PIAS1: variants seen among roughly 807,000 people sequenced by gnomAD.
PIAS1 encodes the protein protein inhibitor of activated STAT 1, also known as E3 SUMO-protein ligase PIAS1.
PIAS1 carries 6 observed loss-of-function variants against 71.3 expected under a neutral mutation model. The ratio of observed to expected loss-of-function variants is 0.08; its 90% CI spans 0.05 to 0.17. The LOEUF (loss-of-function observed/expected upper bound fraction) is 0.17, where lower values mean the gene tolerates loss of function less well. PIAS1 is among the 10% of genes least tolerant of loss of function. The pLI is 1.00. For missense variants in PIAS1, 555 were observed against 793.6 expected (o/e 0.70, Z 3.61); for synonymous variants, 303 against 292.9 (o/e 1.03, Z -0.35).
rs2093036553 is a variant in PIAS1 at position 68,178,978 on chromosome 15, C to CTA, written c.1482-2231_1482-2230dup. Reference sequence around the variant, plus strand: ...TTTCCCAGTGACTAATTGAACCCAGCTATAGTATTTGCAAATGCCAGACAT... The same window carrying CTA: ...TTTCCCAGTGACTAATTGAACCCAGCTATATAGTATTTGCAAATGCCAGACAT... On this transcript the variant is annotated intron_variant, in intron 11 of 13. Coordinates refer to ENST00000249636, the MANE Select transcript of PIAS1 (RefSeq NM_016166.3). The surrounding 1 kb of genome is among the most constrained non-coding windows in gnomAD (Gnocchi z 4.2). 6.6e-6 allele frequency among the ~76,000 whole-genome samples: 1 copy of CTA among 152,140 alleles called. No individual in the cohort carries two copies. Among genetic ancestry groups the CTA allele is most frequent in the Non-Finnish European group, 1.5e-5 (1 of 68,018 alleles).
At chr15:68,101,625 C>T (rs1246619789) in intron 2 of PIAS1, among the ~76,000 whole-genome samples, 1 of 152,062 alleles carries the variant, frequency 6.6e-6, no homozygotes, top group African/African-American at 2.4e-5. Flanking sequence ...CATGCCACTG[C>T]GCCTGGCTTG....
Position 68,136,426 on chromosome 15 carries a change from C to T in PIAS1, c.470-5520C>T, listed in dbSNP as rs1390217419. Among the ~76,000 whole-genome samples the T allele has an allele frequency of 5.4e-4, 20 of 37,194 alleles. 6 individuals are homozygous for T. The highest frequency in any genetic ancestry group is 5.2e-3 in the Admixed American group (20 of 3,838). 24.4% of individuals were successfully genotyped at this position (37,194 alleles called of 152,430 possible). On this transcript the variant is annotated intron_variant, in intron 2 of 13. Transcript: ENST00000249636. ...ACCAGCCCGGCCAACACAGCGAAAC[C>T]CCGTCTCCACCAAAAAAGTAAGAAA... is the stretch of plus-strand genomic sequence containing the variant.
At chr15:68,151,939 A>ATTTTTTTTTTTTTTTTTTTTTT in intron 6 of PIAS1, among the ~76,000 whole-genome samples, 1 of 68,198 alleles carries the variant, frequency 1.5e-5, no homozygotes, top group Non-Finnish European at 2.5e-5. Flanking sequence ...AAATTTAGGA[A>ATTTTTTTTTTTTTTTTTTTTTT]TTTTTTTTTT....
rs1023555874 is a variant in PIAS1, at chr15:68,187,196, A to G, written c.1663-346A>G. Among the ~76,000 whole-genome samples, 2 of 152,234 alleles carry G rather than the reference A, an allele frequency of 1.3e-5. No homozygotes were observed. Among genetic ancestry groups the G allele is most frequent in the Non-Finnish European group, 2.9e-5 (2 of 68,032 alleles). ...TGACTGATAGATTTCTTGGCTAAGT[A>G]TCTCCTTACTAGCAAGAGCATGGAC... On this transcript the variant is annotated intron_variant, in intron 13 of 13. Coordinates refer to ENST00000249636, the MANE Select transcript of PIAS1 (RefSeq NM_016166.3). The surrounding 1 kb of genome is among the most constrained non-coding windows in gnomAD (Gnocchi z 5.3).
At position 68,193,099 on chromosome 15, in the gene PIAS1, C is replaced by A. The variant is rs1344825622; in HGVS notation, c.*5264C>A. 2.0e-5 allele frequency: 3 copies of A among 152,294 alleles called. No homozygotes were observed. The highest frequency in any genetic ancestry group is 4.4e-5 in the Non-Finnish European group (3 of 68,086). The allele number at this position is 152,294 out of a possible 1,614,324, so 9.4% of individuals were successfully genotyped here. On this transcript the variant is annotated 3_prime_UTR_variant, in exon 14 of 14. Coordinates refer to ENST00000249636, the MANE Select transcript of PIAS1 (RefSeq NM_016166.3). ...TTGCTGGTTACATCCCCTTATTTCTCTCCGTAAGTCCTGGGGAGGTGGCTT... is the reference window on the plus strand; with the variant it reads ...TTGCTGGTTACATCCCCTTATTTCTATCCGTAAGTCCTGGGGAGGTGGCTT...
At chr15:68,107,615 T>C (rs1328130500) in intron 2 of PIAS1, among the ~76,000 whole-genome samples, 2 of 152,182 alleles carry the variant, frequency 1.3e-5, no homozygotes, top group Admixed American at 6.5e-5. Flanking sequence ...CCTTATACTT[T>C]CATTTGAAAA....
intron 2 of PIAS1, among the ~76,000 whole-genome samples, chr15:68,128,244 C>G (rs112150888): frequency 0.021 from 3,169 of 152,266 alleles, 114 homozygotes; most frequent in African/African-American, 0.072. Context: ...CAGCTCATTG[C>G]AGTCTCAACC....
At chr15:68,078,508 T>C (rs1217032433) in intron 1 of PIAS1, among the ~76,000 whole-genome samples, 3 of 152,256 alleles carry the variant, frequency 2.0e-5, no homozygotes, top group African/African-American at 7.2e-5. Context: ...CCTGCTCATG[T>C]TATACTGTAT....
intron 2 of PIAS1, among the ~76,000 whole-genome samples, chr15:68,134,629 C>A (rs2092709306): frequency 2.4e-5 from 1 of 41,068 alleles, no homozygotes; most frequent in African/African-American, 4.6e-5. Flanking sequence ...CTAACCCCCC[C>A]CACCTCCCTC....
At chr15:68,055,968 G>A (rs2091891781) in intron 1 of PIAS1, 4 of 696,452 alleles carry the variant, frequency 5.7e-6, no homozygotes, top group Non-Finnish European at 1.0e-5. Flanking sequence ...CAAATTTACT[G>A]AAGGGAGAGC....
At chr15:68,097,803 T>C (rs888450207) in intron 2 of PIAS1, among the ~76,000 whole-genome samples, 2 of 152,200 alleles carry the variant, frequency 1.3e-5, no homozygotes, top group African/African-American at 4.8e-5. Context: ...CCCATTATTC[T>C]ATTAATATGG....
intron 1 of PIAS1, among the ~76,000 whole-genome samples, chr15:68,077,894 G>T (rs1412420081): frequency 6.6e-6 from 1 of 152,182 alleles, no homozygotes; most frequent in Non-Finnish European, 1.5e-5. Context: ...GACCCAGACT[G>T]AAGGCTGTAA....
intron 2 of PIAS1, among the ~76,000 whole-genome samples, chr15:68,117,636 A>G (rs76925754): frequency 0.028 from 4,270 of 152,230 alleles, 189 homozygotes; most frequent in African/African-American, 0.096. Flanking sequence ...TGCATGGCCT[A>G]TTTCACTTAA....
intron 1 of PIAS1, chr15:68,055,652 T>C: frequency 2.8e-6 from 1 of 363,224 alleles, no homozygotes; most frequent in Non-Finnish European, 4.9e-6. Context: ...ACCCAGCAGC[T>C]GGTTATGTCT....
At chr15:68,060,768 C>G (rs1304593099) in intron 1 of PIAS1, among the ~76,000 whole-genome samples, 1 of 150,292 alleles carries the variant, frequency 6.7e-6, no homozygotes, top group Non-Finnish European at 1.5e-5. Flanking sequence ...TCCACAATCT[C>G]TGCCTCCGGG....
Position 68,054,437 on chromosome 15 carries a change from G to C in PIAS1, c.24+87G>C, listed in dbSNP as rs1476723525. 11 of 1,384,950 alleles carry C rather than the reference G, an allele frequency of 7.9e-6. No individual in the cohort carries two copies. Among genetic ancestry groups the C allele is most frequent in the African/African-American group, 1.5e-5 (1 of 68,956 alleles). The allele number at this position is 1,384,950 out of a possible 1,614,324, so 85.8% of individuals were successfully genotyped here. A position where few individuals can be genotyped will look rare whatever the true frequency, so the allele number is the denominator to read the frequency against. ...GGGGGGATGGGTCCGACCCTGGGGGGCCTCTCGGGCCTGACTCCACCCGGG... is the reference window on the plus strand; with the variant it reads ...GGGGGGATGGGTCCGACCCTGGGGGCCCTCTCGGGCCTGACTCCACCCGGG... On this transcript the variant is annotated intron_variant, in intron 1 of 13. Coordinates refer to ENST00000249636, the MANE Select transcript of PIAS1 (RefSeq NM_016166.3). The surrounding 1 kb of genome is among the most constrained non-coding windows in gnomAD (Gnocchi z 4.6).
Position 68,146,696 on chromosome 15 carries a change from G to A in PIAS1, c.824G>A (p.Gly275Glu). The change falls in exon 6 of 14, where the codon GGA becomes GAA. Residue 275 changes from glycine to glutamate, a missense_variant. This residue lies in a region of PIAS1 where 134 missense variants were observed against 203.4 expected (regional missense o/e 0.66). Coordinates refer to ENST00000249636, the MANE Select transcript of PIAS1 (RefSeq NM_016166.3). The part of the protein sequence containing the change: ...TIVVSWTAEI[G>E]RNYSMAVYLV... ...GTTGTTTCTTGGACTGCAGAAATTG[G>A]AAGAGTAAGTAAATTTTTGTTTCTA... 6.2e-7 allele frequency: 1 copy of A among 1,604,660 alleles called. No individual in the cohort carries two copies. The highest frequency in any genetic ancestry group is 8.5e-7 in the Non-Finnish European group (1 of 1,174,232).
intron 11 of PIAS1, 82 bp from the exon 12 acceptor site, chr15:68,181,130 T>C (rs1395598026): frequency 6.7e-6 from 8 of 1,196,406 alleles, no homozygotes; most frequent in East Asian, 2.5e-5. Context: ...CGAGGGTTCA[T>C]TGTGAGATAC....
intron 1 of PIAS1, among the ~76,000 whole-genome samples, chr15:68,065,061 A>G (rs2092002573): frequency 2.6e-5 from 4 of 152,066 alleles, no homozygotes; most frequent in Admixed American, 2.6e-4. Context: ...TTTTTAAATG[A>G]CAAATCTTTT....
Sources: gnomAD v4.1 joint callset for allele counts (sites outside exome capture counted in the v4.1 genomes callset) on GRCh38, gnomAD v4.1.1 for gene constraint, gnomAD v4.1.1 regional missense constraint, Gnocchi (gnomAD v3.1) non-coding constraint, MANE v1.5 for transcripts, NCBI Gene and HGNC (gene_info 2026-07-23, HGNC 2026-07-21) for gene names.